The following REPS2 variants were observed in gnomAD, a reference collection of about 807,000 sequenced individuals.
REPS2 encodes ralBP1-associated Eps domain-containing protein 2.
REPS2 carries 23 observed loss-of-function variants against 53.6 expected under a neutral mutation model. The observed-to-expected ratio is 0.43, with a 90% CI of 0.31 to 0.61. The LOEUF (loss-of-function observed/expected upper bound fraction) is 0.61. REPS2 is among the 20% of genes least tolerant of loss of function. REPS2 has a pLI of 0.11. For missense variants in REPS2, 446 were observed against 534.9 expected (o/e 0.83, Z 1.64); for synonymous variants, 238 against 218.6 (o/e 1.09, Z -0.78).
chrX:16,978,422 G>A (rs948112285), intron 1 of REPS2: 3 of 160,258 alleles, frequency 1.9e-5, no homozygotes, highest in Admixed American at 9.3e-5. Context: ...TATTTGTACA[G>A]CTTTTCAAAT....
chrX:16,952,627 C>T (rs2060527643), intron 1 of REPS2, among the ~76,000 whole-genome samples: 1 of 112,164 alleles, frequency 8.9e-6, no homozygotes, highest in South Asian at 3.7e-4. Flanking sequence ...TCTGAAGGCT[C>T]TCTTCTGATT....
chrX:16,977,614 G>C (rs2060971565), intron 1 of REPS2, among the ~76,000 whole-genome samples: 1 of 108,437 alleles, frequency 9.2e-6, no homozygotes, highest in African/African-American at 3.4e-5. Context: ...TACTCGGCAG[G>C]CTGAGATGGG....
intron 1 of REPS2, among the ~76,000 whole-genome samples, chrX:16,948,329 T>C (rs2060467085): frequency 8.9e-6 from 1 of 112,769 alleles, no homozygotes; most frequent in African/African-American, 3.2e-5. Context: ...TCTGAAACTG[T>C]AACTAGTATT....
chrX:17,006,484 G>A, intron 2 of REPS2, 140 bp downstream of exon 2: 2 of 562,714 alleles, frequency 3.6e-6, no homozygotes, highest in Non-Finnish European at 2.6e-6. Flanking sequence ...AGAAAACTTG[G>A]CAGGTAGGTA....
At chrX:16,965,095 C>A (rs1340740935) in intron 1 of REPS2, among the ~76,000 whole-genome samples, 1 of 86,845 alleles carries the variant, frequency 1.2e-5, no homozygotes, top group African/African-American at 4.5e-5. Flanking sequence ...GGGGGCTGAC[C>A]CCCCCACCTC....
At chrX:17,128,688 C>T (rs1051971921) in intron 14 of REPS2, among the ~76,000 whole-genome samples, 2 of 112,396 alleles carry the variant, frequency 1.8e-5, no homozygotes, top group African/African-American at 6.5e-5. Context: ...GGACCTGTGT[C>T]CATTTCTGGG....
intron 4 of REPS2, among the ~76,000 whole-genome samples, chrX:17,027,256 A>T (rs890156841): frequency 8.9e-6 from 1 of 112,031 alleles, no homozygotes; most frequent in Admixed American, 9.5e-5. Context: ...CATCACCATC[A>T]TTAGTTTTGC....
At chrX:17,058,173 G>A (rs1255666463) in intron 8 of REPS2, among the ~76,000 whole-genome samples, 1 of 111,540 alleles carries the variant, frequency 9.0e-6, no homozygotes, top group Non-Finnish European at 1.9e-5. Context: ...CTGACATAAC[G>A]GCTGGGTGTG....
At chrX:17,070,906 G>A (rs1238196420) in intron 11 of REPS2, among the ~76,000 whole-genome samples, 1 of 109,178 alleles carries the variant, frequency 9.2e-6, no homozygotes, top group Non-Finnish European at 1.9e-5. Context: ...ATATGGTAGG[G>A]GGAAGGAGAG....
chrX:16,972,977 T>A (rs896005719), intron 1 of REPS2, among the ~76,000 whole-genome samples: 1 of 111,546 alleles, frequency 9.0e-6, no homozygotes, highest in African/African-American at 3.3e-5. Context: ...TGTTCTAGGA[T>A]CCTGTCCAGG....
intron 14 of REPS2, among the ~76,000 whole-genome samples, chrX:17,113,161 C>T (rs759108054): frequency 2.7e-5 from 2 of 73,406 alleles, no homozygotes; most frequent in African/African-American, 5.3e-5. Context: ...GCTAGCAGGA[C>T]AGAAATAATA....
intron 13 of REPS2, among the ~76,000 whole-genome samples, chrX:17,087,654 G>A (rs2062555212): frequency 8.9e-6 from 1 of 111,820 alleles, no homozygotes; most frequent in Admixed American, 9.5e-5. Context: ...AATGGTAGTG[G>A]CCAGGTGCAG....
chrX:16,986,205 C>T (rs2147743262), intron 1 of REPS2, among the ~76,000 whole-genome samples: 1 of 112,013 alleles, frequency 8.9e-6, no homozygotes, highest in Admixed American at 9.5e-5. Context: ...TGTGTCGGCT[C>T]TGTCAGCTCA....
At chrX:17,080,391 A>G (rs1464607399) in intron 13 of REPS2, among the ~76,000 whole-genome samples, 1 of 107,552 alleles carries the variant, frequency 9.3e-6, no homozygotes, top group African/African-American at 3.4e-5. Context: ...ACTCCTTCAC[A>G]GGTATGAGCC....
chrX:17,137,661 A>G (rs1192127456), intron 16 of REPS2: 2 of 111,775 alleles, frequency 1.8e-5, no homozygotes, highest in Admixed American at 9.5e-5. Flanking sequence ...GCTGGGGTGC[A>G]GTAGCATGAT....
At chrX:17,050,145 T>TTCCTTCCTTCCTTC (rs1569148250) in intron 6 of REPS2, among the ~76,000 whole-genome samples, 28 of 35,229 alleles carry the variant, frequency 7.9e-4, no homozygotes, top group East Asian at 6.8e-3. Context: ...TTTCTTCCTT[T>TTCCTTCCTTCCTTC]CTTTCTTTCT....
At chrX:17,046,767 CACCCAGCTCTGTT>C (rs1193900029) in intron 5 of REPS2, among the ~76,000 whole-genome samples, 3 of 112,112 alleles carry the variant, frequency 2.7e-5, no homozygotes, top group Non-Finnish European at 3.8e-5. Context: ...CTGTTCTCAC[CACCCAGCTCTGTT>C]ACTAAATATT....
intron 13 of REPS2, among the ~76,000 whole-genome samples, chrX:17,092,756 G>C (rs1236537956): frequency 9.5e-6 from 1 of 104,771 alleles, no homozygotes; most frequent in Non-Finnish European, 1.9e-5. Context: ...CTGCACACTA[G>C]ATTATTCAGC....
chrX:17,061,242 AC>A (rs1271711845), intron 8 of REPS2, among the ~76,000 whole-genome samples: 18 of 112,118 alleles, frequency 1.6e-4, no homozygotes, highest in South Asian at 3.7e-4. Context: ...TTACTTACTT[AC>A]TGTATGTATG....
Sources: allele counts gnomAD v4.1 joint callset (sites outside exome capture counted in the v4.1 genomes callset), GRCh38; gene constraint gnomAD v4.1.1; transcripts MANE v1.5; gene names NCBI Gene and HGNC (gene_info 2026-07-23, HGNC 2026-07-21).